Variants in TLE1 observed in about 807,000 individuals in gnomAD.
TLE1 encodes the protein TLE family member 1, transcriptional corepressor.
A neutral mutation model predicts 89.8 loss-of-function variants in TLE1; 21 were observed. The observed-to-expected ratio is 0.23, with a 90% CI of 0.17 to 0.34. TLE1 has a LOEUF of 0.34. Ranked by LOEUF, TLE1 falls within the 10% of genes least tolerant of loss-of-function variation. TLE1 has a pLI of 1.00. For missense variants in TLE1, 795 were observed against 1,031.2 expected, an observed-to-expected ratio of 0.77 and a Z score of 3.14; for synonymous variants, 447 against 407.6, an observed-to-expected ratio of 1.10 and a Z score of -1.16.
intron 4 of TLE1, among the ~76,000 whole-genome samples, chr9:81,680,696 G>A (rs944979288): frequency 6.6e-6 from 1 of 152,062 alleles, no homozygotes; most frequent in African/African-American, 2.4e-5. Flanking sequence ...TCTAAATGCA[G>A]AGAGCTTTCT....
chr9:81,674,549 A>G (rs1334453384), intron 4 of TLE1, among the ~76,000 whole-genome samples: 1 of 152,204 alleles, frequency 6.6e-6, no homozygotes, highest in African/African-American at 2.4e-5. Context: ...GTTCAAAATC[A>G]GAGTCCTTTT....
chr9:81,620,144 G>C (rs577299679), intron 9 of TLE1, among the ~76,000 whole-genome samples: 1 of 152,122 alleles, frequency 6.6e-6, no homozygotes, highest in Non-Finnish European at 1.5e-5. Context: ...CGGGGGGCCC[G>C]GGGGACTCCT....
chr9:81,657,532 C>T (rs189580342), intron 4 of TLE1, among the ~76,000 whole-genome samples: 1 of 152,114 alleles, frequency 6.6e-6, no homozygotes, highest in African/African-American at 2.4e-5. Flanking sequence ...TAGACTTGAA[C>T]ATGGTCGGAG....
chr9:81,590,778 C>A (rs778808759), intron 16 of TLE1, 27 bp downstream of exon 16: 1 of 1,605,204 alleles, frequency 6.2e-7, no homozygotes. Flanking sequence ...GAAGCGAACC[C>A]CTCCTTAGAC....
chr9:81,675,708 G>GTTTTTTTTT (rs61458315), intron 4 of TLE1, among the ~76,000 whole-genome samples: 6 of 132,438 alleles, frequency 4.5e-5, no homozygotes, highest in South Asian at 2.4e-4. Flanking sequence ...GTTTTTTTTT[G>GTTTTTTTTT]TTTTTTTTTT....
chr9:81,688,107 T>C lies in TLE1; in HGVS notation c.24+110A>G, dbSNP rs1008349101. The C allele has an allele frequency of 4.9e-6, 7 of 1,417,512 alleles. No homozygotes were observed. In the East Asian group the frequency reaches 7.8e-5, roughly 16 times the overall value. The allele number at this position is 1,417,512 out of a possible 1,614,324, so 87.8% of individuals were successfully genotyped here. On this transcript the variant is annotated intron_variant, in intron 1 of 19. Coordinates refer to ENST00000376499, the MANE Select transcript of TLE1 (RefSeq NM_005077.5). ...CCAGACCTCCCCAGCCTTACACCGC[T>C]GAGGGCGAGAAGGTCCGCCGGGCCT... is the stretch of plus-strand genomic sequence containing the variant.
intron 15 of TLE1, among the ~76,000 whole-genome samples, chr9:81,592,349 C>T (rs961984826): frequency 6.6e-6 from 1 of 152,228 alleles, no homozygotes; most frequent in Admixed American, 6.5e-5. Flanking sequence ...CAGAGCAAGA[C>T]TCCGTCTCAA....
intron 1 of TLE1, among the ~76,000 whole-genome samples, chr9:81,687,808 C>G (rs1834529358): frequency 6.6e-6 from 1 of 152,078 alleles, no homozygotes; most frequent in African/African-American, 2.4e-5. Context: ...AAAAACAACT[C>G]CTTTACGCTC....
chr9:81,665,676 C>T (rs1020314041), intron 4 of TLE1, among the ~76,000 whole-genome samples: 3 of 152,136 alleles, frequency 2.0e-5, no homozygotes, highest in African/African-American at 7.2e-5. Flanking sequence ...CTCAAGTGCC[C>T]TTAATTGTTT....
chr9:81,662,706 A>G (rs892309150), intron 4 of TLE1, among the ~76,000 whole-genome samples: 3 of 151,974 alleles, frequency 2.0e-5, no homozygotes, highest in Admixed American at 1.3e-4. Context: ...ATCAAAAAAA[A>G]AAAATTAGCA....
At chr9:81,666,296 A>T (rs968395802) in intron 4 of TLE1, among the ~76,000 whole-genome samples, 1 of 152,158 alleles carries the variant, frequency 6.6e-6, no homozygotes, top group Non-Finnish European at 1.5e-5. Context: ...GTGGAAAGCA[A>T]GCAAGCCTCT....
intron 14 of TLE1, among the ~76,000 whole-genome samples, chr9:81,604,938 G>A (rs914455337): frequency 6.6e-6 from 1 of 152,100 alleles, no homozygotes; most frequent in Non-Finnish European, 1.5e-5. Context: ...CCACTGCTCT[G>A]CCTCAAGAGC....
At chr9:81,600,112 G>T (rs762088247) in intron 14 of TLE1, 1 of 745,068 alleles carries the variant, frequency 1.3e-6, no homozygotes. Context: ...GCAGGAACAA[G>T]GCTCCTAAAC....
intron 6 of TLE1, among the ~76,000 whole-genome samples, chr9:81,642,496 A>T (rs1828254037): frequency 6.6e-6 from 1 of 151,344 alleles, no homozygotes. Context: ...GTTCGAGACC[A>T]GCCTGGCCAA....
At chr9:81,642,689 G>C (rs143149706) in intron 6 of TLE1, among the ~76,000 whole-genome samples, 1 of 124,808 alleles carries the variant, frequency 8.0e-6, no homozygotes, top group East Asian at 2.3e-4. Context: ...GTGAGACTCC[G>C]TCTCAAAAAA....
chr9:81,645,013 A>G (rs1588102694), intron 6 of TLE1, among the ~76,000 whole-genome samples: 1 of 148,006 alleles, frequency 6.8e-6, no homozygotes, highest in African/African-American at 2.4e-5. Context: ...AAAAAAAAAA[A>G]AAAAAAAAAA....
chr9:81,668,441 G>A (rs1372942638), intron 4 of TLE1, among the ~76,000 whole-genome samples: 1 of 152,038 alleles, frequency 6.6e-6, no homozygotes, highest in Non-Finnish European at 1.5e-5. Flanking sequence ...ATGGTGTATG[G>A]ATTCACAGAA....
At chr9:81,638,099 C>A (rs1037479879) in intron 6 of TLE1, among the ~76,000 whole-genome samples, 1 of 152,208 alleles carries the variant, frequency 6.6e-6, no homozygotes, top group Non-Finnish European at 1.5e-5. Flanking sequence ...CTCTTGAGAA[C>A]ACCTGATACT....
At chr9:81,613,971 A>G (rs1273358093) in intron 11 of TLE1, among the ~76,000 whole-genome samples, 2 of 142,448 alleles carry the variant, frequency 1.4e-5, no homozygotes, top group East Asian at 4.2e-4. Context: ...GCAGTGGCGC[A>G]ATCTCGGCCT....
Sources: allele counts gnomAD v4.1 joint callset (sites outside exome capture counted in the v4.1 genomes callset), GRCh38; gene constraint gnomAD v4.1.1; transcripts MANE v1.5; gene names NCBI Gene and HGNC (gene_info 2026-07-23, HGNC 2026-07-21).